SAFB2: variants seen among roughly 807,000 people sequenced by gnomAD.
SAFB2 encodes scaffold attachment factor B2.
SAFB2 carries 32 observed loss-of-function variants against 100.6 expected under a neutral mutation model. That is an observed-to-expected ratio of 0.32 (90% CI 0.24 to 0.43). SAFB2 has a LOEUF of 0.43. SAFB2 is among the 20% of genes least tolerant of loss of function. The pLI, the probability that SAFB2 is intolerant of heterozygous loss-of-function variation, is 1.00. For missense variants in SAFB2, 1,185 were observed against 1,163.4 expected (o/e 1.02, Z -0.27); for synonymous variants, 500 against 439.4 (o/e 1.14, Z -1.72).
chr19:5,593,735 C>T, intron 15 of SAFB2, 156 bp downstream of exon 15: 2 of 729,888 alleles, frequency 2.7e-6, no homozygotes, highest in Middle Eastern at 4.1e-4. Context: ...TGCAGCAGCG[C>T]AGTGAGATCG....
At chr19:5,602,286 G>T (rs1224978305) in intron 11 of SAFB2, among the ~76,000 whole-genome samples, 1 of 151,676 alleles carries the variant, frequency 6.6e-6, no homozygotes, top group Non-Finnish European at 1.5e-5. Context: ...GACCATCCTG[G>T]CTAACACAGT....
chr19:5,611,010 C>T (rs961075043), intron 7 of SAFB2, 110 bp downstream of exon 7: 3 of 484,538 alleles, frequency 6.2e-6, no homozygotes, highest in Admixed American at 8.1e-5. Context: ...AGCAAAACTA[C>T]AATTTCGTCA....
chr19:5,619,091 A>G (rs2053091088), intron 2 of SAFB2, among the ~76,000 whole-genome samples: 1 of 152,212 alleles, frequency 6.6e-6, no homozygotes, highest in Non-Finnish European at 1.5e-5. Context: ...ACTGCTGCAT[A>G]GTGCTTGAAA....
Position 5,587,233 on chromosome 19 carries a change from C to A in SAFB2, c.*10G>T. 6.2e-7 allele frequency: 1 copy of A among 1,609,534 alleles called. No homozygotes were observed. The highest frequency in any genetic ancestry group is 8.5e-7 in the Non-Finnish European group (1 of 1,176,874). ...CGTCTGCCCACCCGAAAACTCGCAG[C>A]GAGTGGGACTTAGTAGCGGCGGGTG... On this transcript the variant is annotated 3_prime_UTR_variant, in exon 21 of 21. Transcript: ENST00000252542. This position sits in a 1 kb window ranked among gnomAD's most constrained non-coding sequence, Gnocchi z 4.9.
In SAFB2 at chr19:5,600,272, CAT is replaced by C. The variant is rs2052627547; in HGVS notation, c.1560-14_1560-13del. 6 of 1,610,068 alleles carry C rather than the reference CAT, an allele frequency of 3.7e-6. No homozygotes were observed. The highest frequency in any genetic ancestry group is 5.1e-6 in the Non-Finnish European group (6 of 1,178,784). On this transcript the variant is annotated splice_polypyrimidine_tract_variant and intron_variant, in intron 11 of 20. Transcript: ENST00000252542. ...TCTTAATTACAGTTCTATTTAAAGA[CAT>C]GGTTATCAAATTTGAGTTCACAAGA...
At position 5,594,164 on chromosome 19, in the gene SAFB2, C is replaced by CGCT. The variant is rs1412993719; in HGVS notation, c.1931_1933dup (p.Gln644dup). The CGCT allele has an allele frequency of 1.9e-6, 3 of 1,595,406 alleles. No individual in the cohort carries two copies. Among genetic ancestry groups the CGCT allele is most frequent in the Non-Finnish European group, 8.5e-7 (1 of 1,176,858 alleles). On this transcript the variant is annotated inframe_insertion, in exon 15 of 21. Transcript: ENST00000252542. ...GGCCTCGAGGCGTTGCTCCCGCTCCCGCTGCTCGCGCTCCCTGCGGGGACA... is the reference window on the plus strand; with the variant it reads ...GGCCTCGAGGCGTTGCTCCCGCTCCCGCTGCTGCTCGCGCTCCCTGCGGGGACA...
At position 5,592,892 on chromosome 19, in the gene SAFB2, T is replaced by G. The variant is rs146343814; in HGVS notation, c.2208-5A>C. ...GGCCAATAGGCATCATCTCGTCTGT[T>G]GGTTTTTATTTTAAAAGAATACAAA... On this transcript the variant is annotated splice_polypyrimidine_tract_variant and splice_region_variant and intron_variant, in intron 15 of 20. Coordinates refer to ENST00000252542, the MANE Select transcript of SAFB2 (RefSeq NM_014649.3). 103 of 1,613,688 alleles carry G rather than the reference T, an allele frequency of 6.4e-5. No homozygotes were observed. The East Asian group carries it at 2.3e-3, about 36-fold the overall frequency.
intron 2 of SAFB2, among the ~76,000 whole-genome samples, chr19:5,618,674 A>G (rs917396942): frequency 6.6e-6 from 1 of 152,196 alleles, no homozygotes; most frequent in African/African-American, 2.4e-5. Flanking sequence ...AATTGCACCC[A>G]ATTTCTAGGC....
intron 2 of SAFB2, among the ~76,000 whole-genome samples, chr19:5,617,211 G>C (rs943208958): frequency 6.6e-6 from 1 of 152,054 alleles, no homozygotes; most frequent in African/African-American, 2.4e-5. Context: ...GTGATTTGCT[G>C]GCTCTCCCTA....
Position 5,594,010 on chromosome 19 carries a change from A to G in SAFB2, c.2088T>C (p.Arg696=), listed in dbSNP as rs531938061. ...RLERERMRVE[R]ERRKEQERIH... ...TGCGCTCCTGCTCCTTCCTGCGCTC[A>G]CGCTCCACGCGCATGCGCTCGCGCT... The change falls in exon 15 of 21, where the codon CGT becomes CGC. Residue 696 remains arginine (R), a synonymous_variant. Coordinates refer to ENST00000252542, the MANE Select transcript of SAFB2 (RefSeq NM_014649.3). 11 of 1,562,422 alleles carry G rather than the reference A, an allele frequency of 7.0e-6. No homozygotes were observed. The East Asian group carries it at 2.1e-4, about 30-fold the overall frequency.
intron 9 of SAFB2, among the ~76,000 whole-genome samples, chr19:5,607,085 C>T (rs1256656576): frequency 6.6e-6 from 1 of 152,214 alleles, no homozygotes; most frequent in East Asian, 1.9e-4. Context: ...CACAGTGAAA[C>T]CCCATCTCTA....
At chr19:5,619,068 G>A (rs2053090686) in intron 2 of SAFB2, among the ~76,000 whole-genome samples, 1 of 152,160 alleles carries the variant, frequency 6.6e-6, no homozygotes, top group Non-Finnish European at 1.5e-5. Context: ...TCCAACTTTG[G>A]ACTCAACTGA....
At chr19:5,614,253 C>T (rs909425791) in intron 4 of SAFB2, among the ~76,000 whole-genome samples, 2 of 152,030 alleles carry the variant, frequency 1.3e-5, no homozygotes, top group African/African-American at 2.4e-5. Context: ...GCGCCTGGCC[C>T]GCCTAGCCTA....
At chr19:5,616,048 G>A in intron 4 of SAFB2, 84 bp downstream of exon 4, 1 of 1,272,768 alleles carries the variant, frequency 7.9e-7, no homozygotes, top group Middle Eastern at 2.6e-4. Context: ...CGGTTTAGCT[G>A]TGTTCTCCCT....
intron 11 of SAFB2, among the ~76,000 whole-genome samples, chr19:5,603,290 C>T (rs1381178678): frequency 1.3e-5 from 2 of 152,066 alleles, no homozygotes; most frequent in Admixed American, 1.3e-4. Flanking sequence ...ATAATAATTC[C>T]AATTAAAAAT....
chr19:5,618,861 T>C (rs1599283599), intron 2 of SAFB2, among the ~76,000 whole-genome samples: 2 of 152,362 alleles, frequency 1.3e-5, no homozygotes, highest in East Asian at 3.9e-4. Flanking sequence ...AATCCAACTT[T>C]AATCCCACAT....
intron 18 of SAFB2, among the ~76,000 whole-genome samples, chr19:5,589,304 G>A (rs2052336473): frequency 6.6e-6 from 1 of 152,180 alleles, no homozygotes; most frequent in Non-Finnish European, 1.5e-5. Context: ...CACACCAACT[G>A]ATCAGAGCAC....
chr19:5,589,204 T>C (rs1410535409), intron 18 of SAFB2, among the ~76,000 whole-genome samples: 1 of 152,004 alleles, frequency 6.6e-6, no homozygotes, highest in Non-Finnish European at 1.5e-5. Flanking sequence ...CATGGGTGAG[T>C]TTCCCGTTTA....
intron 4 of SAFB2, among the ~76,000 whole-genome samples, chr19:5,615,538 C>A (rs1198428808): frequency 6.6e-6 from 1 of 150,600 alleles, no homozygotes; most frequent in East Asian, 2.0e-4. Context: ...TGAGATCCCG[C>A]CTCTAAAAAA....
Sources: gnomAD v4.1 joint callset for allele counts (sites outside exome capture counted in the v4.1 genomes callset) on GRCh38, gnomAD v4.1.1 for gene constraint, Gnocchi (gnomAD v3.1) non-coding constraint, MANE v1.5 for transcripts, NCBI Gene and HGNC (gene_info 2026-07-23, HGNC 2026-07-21) for gene names.